YWHAQ: variants seen among roughly 807,000 people sequenced by gnomAD.
YWHAQ encodes 14-3-3 protein theta.
Under a neutral mutation model 28.3 loss-of-function variants are expected in YWHAQ, and 6 were observed. The observed-to-expected ratio is 0.21, with a 90% confidence interval of 0.12 to 0.42. The LOEUF (loss-of-function observed/expected upper bound fraction) is 0.42. Among genes scored for constraint, YWHAQ ranks in the 10% least tolerant of loss-of-function variants. YWHAQ has a pLI of 1.00. For missense variants in YWHAQ, 201 were observed against 305.6 expected (o/e 0.66, Z 2.55); for synonymous variants, 143 against 119.1 (o/e 1.20, Z -1.31).
At position 9,585,231 on chromosome 2, in the gene YWHAQ, T is replaced by A; in HGVS notation, c.*55A>T. 6.3e-7 allele frequency: 1 copy of A among 1,583,106 alleles called. No homozygotes were observed. The highest frequency in any genetic ancestry group is 8.7e-7 in the Non-Finnish European group (1 of 1,152,712). On this transcript the variant is annotated 3_prime_UTR_variant, in exon 6 of 6. Coordinates refer to ENST00000238081, the MANE Select transcript of YWHAQ (RefSeq NM_006826.4). ...TAGGAAATCCAAGTGGAATAAGGAA[T>A]GGAGATGTGTAAAAAGGTTTCTTGA...
intron 2 of YWHAQ, among the ~76,000 whole-genome samples, chr2:9,614,642 A>T (rs1302219586): frequency 6.6e-6 from 1 of 152,202 alleles, no homozygotes; most frequent in East Asian, 1.9e-4. Context: ...ATATCCTAAG[A>T]AGACTACTAA....
chr2:9,608,990 C>T lies in YWHAQ; in HGVS notation c.295-17475G>A, dbSNP rs923785886. Among the ~76,000 whole-genome samples the T allele has an allele frequency of 2.6e-5, 4 of 152,124 alleles. No homozygotes were observed. The East Asian group carries it at 5.8e-4, about 22-fold the overall frequency. ...AAAAATAACAAAAATACTCAAGGGA[C>T]GGATTCTCTATCATGAGGCGTCAGC... On this transcript the variant is annotated intron_variant, in intron 2 of 5. Coordinates refer to ENST00000238081, the MANE Select transcript of YWHAQ (RefSeq NM_006826.4).
chr2:9,629,813 T>C (rs556381883), intron 2 of YWHAQ, among the ~76,000 whole-genome samples: 13 of 152,230 alleles, frequency 8.5e-5, no homozygotes, highest in Non-Finnish European at 1.8e-4. Flanking sequence ...GTGAACCGAC[T>C]GAATACATTT....
chr2:9,600,667 T>C (rs927425194), intron 2 of YWHAQ, among the ~76,000 whole-genome samples: 2 of 151,710 alleles, frequency 1.3e-5, no homozygotes, highest in African/African-American at 4.9e-5. Flanking sequence ...GTCGCGCCAT[T>C]GCACTCCAGC....
intron 2 of YWHAQ, among the ~76,000 whole-genome samples, chr2:9,627,033 G>A (rs1667260023): frequency 6.6e-6 from 1 of 152,166 alleles, no homozygotes; most frequent in South Asian, 2.1e-4. Context: ...AGCTCTAACT[G>A]GATGAAATCT....
chr2:9,625,332 A>G (rs4668625), intron 2 of YWHAQ, among the ~76,000 whole-genome samples: 67,108 of 151,778 alleles, frequency 0.44, 18,391 homozygotes, highest in African/African-American at 0.78. Context: ...GGCAAAACCC[A>G]CAACGTCAAT....
chr2:9,612,097 A>G (rs1261948687), intron 2 of YWHAQ, among the ~76,000 whole-genome samples: 1 of 152,220 alleles, frequency 6.6e-6, no homozygotes, highest in Non-Finnish European at 1.5e-5. Context: ...ACAAATTGCC[A>G]AAGTCCTACT....
chr2:9,602,334 G>A (rs929565790), intron 2 of YWHAQ, among the ~76,000 whole-genome samples: 1 of 151,992 alleles, frequency 6.6e-6, no homozygotes, highest in Non-Finnish European at 1.5e-5. Flanking sequence ...AGGGTTGTTT[G>A]TACCCAGATG....
rs867586729 is a variant in YWHAQ at position 9,602,829 on chromosome 2, T to A, written c.295-11314A>T. The stretch of plus-strand genomic sequence containing the variant: ...CAGGTGTGAACCACCATGCCTAATT[T>A]AAAAAAAAAAAAAAAAAAAAAAAAA... On this transcript the variant is annotated intron_variant, in intron 2 of 5. Transcript: ENST00000238081. Among the ~76,000 whole-genome samples the A allele has an allele frequency of 3.0e-4, 11 of 37,222 alleles. No homozygotes were observed. The East Asian group carries it at 0.018, about 61-fold the overall frequency. The allele number at this position is 37,222 out of a possible 152,430, so 24.4% of individuals were successfully genotyped here. A position where few individuals can be genotyped will look rare whatever the true frequency, so the allele number is the denominator to read the frequency against.
chr2:9,622,040 G>A (rs1036815491), intron 2 of YWHAQ, among the ~76,000 whole-genome samples: 6 of 152,110 alleles, frequency 3.9e-5, no homozygotes, highest in East Asian at 3.9e-4. Context: ...CTGTCAGGGC[G>A]TCGGGGGCTA....
intron 4 of YWHAQ, 50 bp from the exon 5 acceptor site, chr2:9,587,559 G>C (rs755687304): frequency 2.7e-6 from 4 of 1,497,474 alleles, no homozygotes. Context: ...ACGAAAACTG[G>C]TTATTCTACA....
intron 2 of YWHAQ, among the ~76,000 whole-genome samples, chr2:9,608,746 C>T (rs575664142): frequency 6.6e-5 from 10 of 152,280 alleles, no homozygotes; most frequent in African/African-American, 1.9e-4. Context: ...GTCAGGAGTT[C>T]GAAACCAGCC....
At chr2:9,597,277 T>C (rs574290123) in intron 2 of YWHAQ, among the ~76,000 whole-genome samples, 2 of 152,332 alleles carry the variant, frequency 1.3e-5, no homozygotes, top group African/African-American at 2.4e-5. Context: ...AATTCATCTA[T>C]GGAAATATTT....
intron 4 of YWHAQ, among the ~76,000 whole-genome samples, 158 bp from the exon 5 acceptor site, chr2:9,587,667 C>T (rs1192328078): frequency 6.6e-6 from 1 of 152,250 alleles, no homozygotes; most frequent in Non-Finnish European, 1.5e-5. Context: ...AGTTTAAGAA[C>T]TTATGAGTAT....
chr2:9,623,696 C>A (rs1008903372), intron 2 of YWHAQ, among the ~76,000 whole-genome samples: 5 of 152,110 alleles, frequency 3.3e-5, no homozygotes, highest in Admixed American at 3.3e-4. Context: ...TTGCTTGAAC[C>A]CGGAGGCAGA....
chr2:9,629,455 T>C (rs531669641), intron 2 of YWHAQ, among the ~76,000 whole-genome samples: 1 of 152,220 alleles, frequency 6.6e-6, no homozygotes, highest in Non-Finnish European at 1.5e-5. Flanking sequence ...ACTGGACAGT[T>C]CAAAACCTGG....
chr2:9,614,773 G>A (rs1311393421), intron 2 of YWHAQ, among the ~76,000 whole-genome samples: 1 of 152,218 alleles, frequency 6.6e-6, no homozygotes, highest in East Asian at 1.9e-4. Flanking sequence ...ATTATTTGCA[G>A]GCTAACTTTT....
At position 9,589,540 on chromosome 2, in the gene YWHAQ, G is replaced by A. The variant is rs753277347; in HGVS notation, c.419-1212C>T. 8.5e-5 allele frequency among the ~76,000 whole-genome samples: 13 copies of A among 152,222 alleles called. 1 individual carries two copies. The South Asian group carries it at 2.3e-3, about 27-fold the overall frequency. On this transcript the variant is annotated intron_variant, in intron 3 of 5. Transcript: ENST00000238081. ...GGAGCTTACGGTGAGCCAAGATCGC[G>A]CCATTGCACTTCAACCTGGGCAACA...
At chr2:9,608,432 A>G (rs1330838380) in intron 2 of YWHAQ, among the ~76,000 whole-genome samples, 1 of 152,158 alleles carries the variant, frequency 6.6e-6, no homozygotes, top group East Asian at 1.9e-4. Flanking sequence ...TTGGGGGTGC[A>G]GTCTCCCATA....
Sources: gnomAD v4.1 joint callset for allele counts (sites outside exome capture counted in the v4.1 genomes callset) on GRCh38, gnomAD v4.1.1 for gene constraint, MANE v1.5 for transcripts, NCBI Gene and HGNC (gene_info 2026-07-23, HGNC 2026-07-21) for gene names.